The following C14orf132 variants were observed in gnomAD, a reference collection of about 807,000 sequenced individuals.
C14orf132 encodes the protein uncharacterized protein C14orf132.
Under a neutral mutation model 5.8 loss-of-function variants are expected in C14orf132, and 6 were observed. The ratio of observed to expected loss-of-function variants is 1.03; its 90% CI spans 0.57 to 2.04. C14orf132 has a LOEUF of 2.04. C14orf132 is among the 30% of genes most tolerant of loss of function. C14orf132 has a pLI of 0.00. For missense variants in C14orf132, 125 were observed against 115.8 expected (o/e 1.08, Z -0.37); for synonymous variants, 51 against 49.8 (o/e 1.02, Z -0.10).
chr14:96,067,970 C>T (rs541532158), intron 1 of C14orf132, among the ~76,000 whole-genome samples: 7 of 152,210 alleles, frequency 4.6e-5, no homozygotes, highest in South Asian at 4.1e-4. Context: ...CATAGGGTTG[C>T]GATAATAAAA....
chr14:96,086,155 G>A (rs142050247), intron 1 of C14orf132, among the ~76,000 whole-genome samples: 2 of 152,272 alleles, frequency 1.3e-5, no homozygotes, highest in African/African-American at 4.8e-5. Context: ...AATTAGAAGA[G>A]GAATGAAGGC....
Position 96,039,643 on chromosome 14 carries a change from C to T in C14orf132, c.27+116C>T, listed in dbSNP as rs1050345503. The T allele has an allele frequency of 1.8e-5, 20 of 1,131,798 alleles. No homozygotes were observed. The East Asian group carries it at 2.6e-4, about 15-fold the overall frequency. The allele number at this position is 1,131,798 out of a possible 1,614,324, so 70.1% of individuals were successfully genotyped here. ...TGGCGCCCGCCCGCGATCCGCGTCC[C>T]GGTCCTTTGTCCCGAGCCGGACACC... On this transcript the variant is annotated intron_variant, in intron 1 of 1. Coordinates refer to ENST00000555004, the MANE Select transcript of C14orf132 (RefSeq NM_001252507.3). The surrounding 1 kb of genome is among the most constrained non-coding windows in gnomAD (Gnocchi z 5.3).
chr14:96,044,087 TG>T (rs1296063833), intron 1 of C14orf132, among the ~76,000 whole-genome samples: 5 of 152,308 alleles, frequency 3.3e-5, no homozygotes, highest in African/African-American at 1.2e-4. Flanking sequence ...CTGCAAGAGC[TG>T]GGGGGGCCAG....
At chr14:96,065,127 T>C (rs1267984367) in intron 1 of C14orf132, among the ~76,000 whole-genome samples, 4 of 152,158 alleles carry the variant, frequency 2.6e-5, no homozygotes, top group African/African-American at 9.7e-5. Context: ...CTGGGTGTAC[T>C]GAAATAACTG....
In C14orf132 at chr14:96,086,769, C is replaced by T. The variant is rs996671807; in HGVS notation, c.*34C>T. ...CACCCTGCACCACCATGGGGTGAGG[C>T]TTGGCACGTAGCTCTGACTTGCTGT... On this transcript the variant is annotated 3_prime_UTR_variant, in exon 2 of 2. Transcript: ENST00000555004. The T allele has an allele frequency of 6.6e-7, 1 of 1,523,524 alleles. No individual in the cohort carries two copies. The highest frequency in any genetic ancestry group is 8.8e-7 in the Non-Finnish European group (1 of 1,136,576). The allele number at this position is 1,523,524 out of a possible 1,614,324, so 94.4% of individuals were successfully genotyped here. A position where few individuals can be genotyped will look rare whatever the true frequency, so the allele number is the denominator to read the frequency against.
At chr14:96,083,511 A>G (rs1046585800) in intron 1 of C14orf132, among the ~76,000 whole-genome samples, 1 of 152,220 alleles carries the variant, frequency 6.6e-6, no homozygotes. Context: ...GGGGAGCTCA[A>G]TGTCATCACA....
At chr14:96,086,371 A>C (rs2139685196) in intron 1 of C14orf132, 140 bp from the exon 2 acceptor site, 1 of 728,770 alleles carries the variant, frequency 1.4e-6, no homozygotes. Context: ...ATAAAACCAC[A>C]AAAGCAAAGC....
At chr14:96,040,023 G>A (rs1442015574) in intron 1 of C14orf132, among the ~76,000 whole-genome samples, 2 of 151,780 alleles carry the variant, frequency 1.3e-5, no homozygotes, top group Non-Finnish European at 2.9e-5. Context: ...TCTGAGACCC[G>A]CTTTGTGACC....
intron 1 of C14orf132, among the ~76,000 whole-genome samples, chr14:96,078,214 C>T (rs1206095829): frequency 1.3e-5 from 2 of 152,270 alleles, no homozygotes; most frequent in Non-Finnish European, 2.9e-5. Flanking sequence ...GCCAGCGGAA[C>T]TGTCACTGCT....
At chr14:96,073,071 T>C (rs1887757639) in intron 1 of C14orf132, among the ~76,000 whole-genome samples, 1 of 152,208 alleles carries the variant, frequency 6.6e-6, no homozygotes. Flanking sequence ...TTTCTTTAAA[T>C]GGCTGCATAA....
At chr14:96,040,747 C>CTT (rs113246752) in intron 1 of C14orf132, among the ~76,000 whole-genome samples, 20 of 151,718 alleles carry the variant, frequency 1.3e-4, no homozygotes, top group African/African-American at 4.8e-4. Context: ...TATCGCTGGC[C>CTT]CTTTTTTTTT....
At chr14:96,072,028 A>T (rs528331353) in intron 1 of C14orf132, among the ~76,000 whole-genome samples, 4 of 152,332 alleles carry the variant, frequency 2.6e-5, no homozygotes, top group Admixed American at 2.6e-4. Flanking sequence ...CTCAGACTCC[A>T]CAATGGTCAT....
At chr14:96,071,643 A>C (rs1356746414) in intron 1 of C14orf132, among the ~76,000 whole-genome samples, 1 of 152,154 alleles carries the variant, frequency 6.6e-6, no homozygotes, top group Admixed American at 6.5e-5. Context: ...TCTCTCCTGA[A>C]GGGGTTCAGA....
At chr14:96,069,129 C>T (rs189170939) in intron 1 of C14orf132, among the ~76,000 whole-genome samples, 15 of 148,098 alleles carry the variant, frequency 1.0e-4, no homozygotes, top group Admixed American at 1.0e-3. Context: ...TTCTCAGCCT[C>T]CATAATTGTG....
chr14:96,074,528 G>A (rs796126231), intron 1 of C14orf132, among the ~76,000 whole-genome samples: 7 of 141,050 alleles, frequency 5.0e-5, no homozygotes, highest in African/African-American at 1.8e-4. Flanking sequence ...TCCATTTTGA[G>A]TTTTTTGTAT....
intron 1 of C14orf132, among the ~76,000 whole-genome samples, chr14:96,041,475 A>T (rs761473295): frequency 6.6e-5 from 10 of 152,344 alleles, no homozygotes; most frequent in Middle Eastern, 3.4e-3. Context: ...TACAGGACAG[A>T]TCTATTTCAG....
At chr14:96,061,077 G>A (rs181190193) in intron 1 of C14orf132, among the ~76,000 whole-genome samples, 5 of 152,284 alleles carry the variant, frequency 3.3e-5, no homozygotes, top group East Asian at 1.9e-4. Context: ...AAACACAATG[G>A]CAGCTTATTA....
At chr14:96,083,985 G>A (rs1888106466) in intron 1 of C14orf132, among the ~76,000 whole-genome samples, 1 of 152,186 alleles carries the variant, frequency 6.6e-6, no homozygotes, top group Admixed American at 6.5e-5. Flanking sequence ...GCCACCTGAT[G>A]GCCTGGTTGG....
chr14:96,066,365 G>A (rs2139664514), intron 1 of C14orf132, among the ~76,000 whole-genome samples: 1 of 152,292 alleles, frequency 6.6e-6, no homozygotes, highest in East Asian at 1.9e-4. Flanking sequence ...CCCCTGCGTT[G>A]TGCTGAGTTA....
Sources: allele counts gnomAD v4.1 joint callset (sites outside exome capture counted in the v4.1 genomes callset), GRCh38; gene constraint gnomAD v4.1.1; non-coding constraint Gnocchi (gnomAD v3.1); transcripts MANE v1.5; gene names NCBI Gene and HGNC (gene_info 2026-07-23, HGNC 2026-07-21).